SEMA4F: variants seen among roughly 807,000 people sequenced by gnomAD.
SEMA4F encodes the protein ssemaphorin 4F.
Under a neutral mutation model 78.4 loss-of-function variants are expected in SEMA4F, and 51 were observed. That is an observed-to-expected ratio of 0.65 (90% CI 0.52 to 0.82). The LOEUF is 0.82. Among genes scored for constraint, SEMA4F ranks in the 40% least tolerant of loss-of-function variants. SEMA4F has a pLI of 0.00. For synonymous variants in SEMA4F, 418 were observed against 408.7 expected (o/e 1.02, Z -0.27); for missense variants, 938 against 1,014.4 (o/e 0.92, Z 1.02).
At chr2:74,657,736 C>T (rs1425202142) in intron 3 of SEMA4F, 112 bp downstream of exon 3, 2 of 1,382,868 alleles carry the variant, frequency 1.4e-6, no homozygotes, top group African/African-American at 2.8e-5. Flanking sequence ...GAGACTCTAA[C>T]ACCATGCCAT....
the SEMA4F span, among the ~76,000 whole-genome samples, chr2:74,694,989 A>T: frequency 2.0e-5 from 3 of 152,264 alleles, no homozygotes; most frequent in Admixed American, 6.5e-5. Context: ...TGTTATAAAC[A>T]TACATGTGCA....
intron 4 of SEMA4F, among the ~76,000 whole-genome samples, chr2:74,661,651 A>G (rs879375006): frequency 2.0e-5 from 3 of 152,186 alleles, no homozygotes; most frequent in African/African-American, 7.2e-5. Context: ...CTGACCCAGC[A>G]TTCCGTTTTT....
At chr2:74,684,036 C>G (rs756015092), downstream of SEMA4F, among the ~76,000 whole-genome samples, 27 of 151,252 alleles carry the variant, frequency 1.8e-4, no homozygotes, top group Non-Finnish European at 3.2e-4. Context: ...CAACCTTTTG[C>G]AGGAGTCATC....
chr2:74,689,800 A>G, the SEMA4F span, among the ~76,000 whole-genome samples: 1 of 152,244 alleles, frequency 6.6e-6, no homozygotes, highest in Admixed American at 6.5e-5. Flanking sequence ...GAACACCAAC[A>G]TCAGACAAGG....
At chr2:74,668,650 G>A (rs186229505) in intron 5 of SEMA4F, among the ~76,000 whole-genome samples, 15 of 148,922 alleles carry the variant, frequency 1.0e-4, no homozygotes, top group Admixed American at 4.7e-4. Flanking sequence ...TTGCTCTGTC[G>A]CCCAGGCTGG....
chr2:74,666,946 A>G (rs1425058138), intron 5 of SEMA4F, among the ~76,000 whole-genome samples: 2 of 152,190 alleles, frequency 1.3e-5, no homozygotes, highest in African/African-American at 4.8e-5. Flanking sequence ...TAAAAATGTT[A>G]TTTGTAATTC....
chr2:74,705,867 A>G, the SEMA4F span, among the ~76,000 whole-genome samples: 1 of 152,224 alleles, frequency 6.6e-6, no homozygotes, highest in African/African-American at 2.4e-5. Flanking sequence ...GGGCCTGGCC[A>G]TATTTGCACA....
intron 5 of SEMA4F, among the ~76,000 whole-genome samples, chr2:74,672,178 G>C (rs1685021803): frequency 6.6e-6 from 1 of 152,196 alleles, no homozygotes; most frequent in Non-Finnish European, 1.5e-5. Flanking sequence ...CACACCTCCA[G>C]CTTCCTCTCT....
the SEMA4F span, among the ~76,000 whole-genome samples, chr2:74,694,353 CTGAGTA>C: frequency 2.0e-5 from 3 of 152,078 alleles, no homozygotes; most frequent in Admixed American, 2.0e-4. Flanking sequence ...GGCAGGTGCT[CTGAGTA>C]TATTATTTCG....
At chr2:74,708,693 G>A in the SEMA4F span, among the ~76,000 whole-genome samples, 1 of 152,232 alleles carries the variant, frequency 6.6e-6, no homozygotes, top group East Asian at 1.9e-4. Flanking sequence ...ATCATGTCAA[G>A]AACCAGGAAA....
At chr2:74,699,505 G>C in the SEMA4F span, among the ~76,000 whole-genome samples, 1 of 152,264 alleles carries the variant, frequency 6.6e-6, no homozygotes, top group Non-Finnish European at 1.5e-5. Flanking sequence ...ATAGGCTGTT[G>C]GATAAATAAT....
At chr2:74,688,273 A>G (rs988317296), downstream of SEMA4F, among the ~76,000 whole-genome samples, 4 of 152,184 alleles carry the variant, frequency 2.6e-5, no homozygotes, top group African/African-American at 9.7e-5. Flanking sequence ...TTGCCTTCCT[A>G]GAGTGGAGTG....
At chr2:74,708,799 A>G in the SEMA4F span, among the ~76,000 whole-genome samples, 6 of 152,244 alleles carry the variant, frequency 3.9e-5, no homozygotes, top group Non-Finnish European at 7.3e-5. Flanking sequence ...AAATGCTTCA[A>G]TGAGTAGTTA....
Position 74,673,794 on chromosome 2 carries a change from G to T in SEMA4F, c.788G>T (p.Arg263Leu), listed in dbSNP as rs747881367. 2.7e-5 allele frequency: 44 copies of T among 1,614,092 alleles called. No homozygotes were observed. The African/African-American group carries it at 4.3e-4, about 16-fold the overall frequency. Residue 263 changes from arginine (R) to leucine (L), a missense_variant, in exon 7 of 14, where the codon CGC becomes CTC. By Grantham distance (102) the Arg-to-Leu change is moderately radical. Coordinates refer to ENST00000357877, the MANE Select transcript of SEMA4F (RefSeq NM_004263.5). The stretch of plus-strand genomic sequence containing the variant: ...TCCCGAGCATTTGACTCATACGAGC[G>T]CATTAAAGTCCCACGGGTGGCCCGT... ...ETSRAFDSYERIKVPRVARVC... is the reference protein window; with the variant it reads ...ETSRAFDSYELIKVPRVARVC...
At position 74,660,376 on chromosome 2, in the gene SEMA4F, A is replaced by G. The variant is rs145059168; in HGVS notation, c.457-2356A>G. 1.4e-3 allele frequency among the ~76,000 whole-genome samples: 218 copies of G among 152,324 alleles called. 2 individuals are homozygous for G. Among genetic ancestry groups the G allele is most frequent in the Admixed American group, 6.1e-3 (93 of 15,296 alleles). On this transcript the variant is annotated intron_variant, in intron 4 of 13. Transcript: ENST00000357877. ...TTGTGGCATTTGATGTGTTTCATGT[A>G]CTAGGAACCATCTTTCTTTTCTTTG... is the stretch of plus-strand genomic sequence containing the variant.
Position 74,680,378 on chromosome 2 carries a change from G to T in SEMA4F, c.*169G>T. Reference sequence around the variant, plus strand: ...TCTCTCTGAGCCTGGATGGGCTTGGGGCCAGACCTTTGCCTGATTCCTGAT... The same window carrying T: ...TCTCTCTGAGCCTGGATGGGCTTGGTGCCAGACCTTTGCCTGATTCCTGAT... On this transcript the variant is annotated 3_prime_UTR_variant, in exon 14 of 14. Coordinates refer to ENST00000357877, the MANE Select transcript of SEMA4F (RefSeq NM_004263.5). 1.4e-6 allele frequency: 1 copy of T among 728,612 alleles called. No individual in the cohort carries two copies. The highest frequency in any genetic ancestry group is 2.1e-6 in the Non-Finnish European group (1 of 477,150). 45.1% of individuals were successfully genotyped at this position (728,612 alleles called of 1,614,324 possible).
downstream of SEMA4F, among the ~76,000 whole-genome samples, chr2:74,684,407 A>G (rs1441210785): frequency 6.6e-6 from 1 of 152,126 alleles, no homozygotes; most frequent in East Asian, 1.9e-4. Flanking sequence ...TTTGTTACTC[A>G]TGCCGTATGT....
chr2:74,673,593 G>C lies in SEMA4F; in HGVS notation c.670+17G>C, dbSNP rs1340664613. 1.2e-6 allele frequency: 2 copies of C among 1,613,974 alleles called. No homozygotes were observed. The highest frequency in any genetic ancestry group is 1.7e-6 in the Non-Finnish European group (2 of 1,179,944). On this transcript the variant is annotated intron_variant, in intron 6 of 13. Coordinates refer to ENST00000357877, the MANE Select transcript of SEMA4F (RefSeq NM_004263.5). Reference sequence around the variant, plus strand: ...GGCTGAACGGTGGGGAGAGGGAGAGGGGTCCTCTGGGGAGACCGATGGGGT... The same window carrying C: ...GGCTGAACGGTGGGGAGAGGGAGAGCGGTCCTCTGGGGAGACCGATGGGGT...
intron 12 of SEMA4F, 55 bp from the exon 13 acceptor site, chr2:74,679,221 G>T: frequency 8.0e-7 from 1 of 1,252,640 alleles, no homozygotes; most frequent in Non-Finnish European, 1.2e-6. Context: ...GTAATACTGA[G>T]GGGGGTTGAA....
Sources: gnomAD v4.1 joint callset for allele counts (sites outside exome capture counted in the v4.1 genomes callset) on GRCh38, gnomAD v4.1.1 for gene constraint, MANE v1.5 for transcripts, NCBI Gene and HGNC (gene_info 2026-07-23, HGNC 2026-07-21) for gene names.